The following ARHGAP8 variants were observed in gnomAD, a reference collection of about 807,000 sequenced individuals.
The protein encoded by ARHGAP8 is Rho GTPase activating protein 8.
In ARHGAP8, 62 loss-of-function variants were observed where a neutral mutation model predicts 46.1. The ratio of observed to expected loss-of-function variants is 1.34; its 90% CI spans 1.10 to 1.66. The LOEUF is 1.66. Ranked by LOEUF, ARHGAP8 falls within the 40% of genes most tolerant of loss-of-function variation. ARHGAP8 has a pLI of 0.00. For synonymous variants in ARHGAP8, 375 were observed against 243.1 expected (o/e 1.54, Z -5.05); for missense variants, 923 against 568.4 (o/e 1.62, Z -6.34).
At chr22:44,782,903 C>G (rs6006884) in intron 1 of ARHGAP8, among the ~76,000 whole-genome samples, 134,237 of 152,132 alleles carry the variant, frequency 0.88, 59,466 homozygotes, top group Non-Finnish European at 0.93. Flanking sequence ...CGCTGTTTTC[C>G]ACGGCACGCT....
At chr22:44,754,846 A>G (rs1924544077) in intron 1 of ARHGAP8, among the ~76,000 whole-genome samples, 1 of 152,128 alleles carries the variant, frequency 6.6e-6, no homozygotes, top group Admixed American at 6.6e-5. Flanking sequence ...ATGTTTCACC[A>G]CATTAAAAAA....
chr22:44,764,451 G>A (rs924439422), intron 1 of ARHGAP8, among the ~76,000 whole-genome samples: 1 of 152,178 alleles, frequency 6.6e-6, no homozygotes, highest in Non-Finnish European at 1.5e-5. Flanking sequence ...GGTCGGCTGC[G>A]GTGGTCCGGG....
At chr22:44,837,273 A>AG (rs372705844) in intron 7 of ARHGAP8, among the ~76,000 whole-genome samples, 13 of 152,276 alleles carry the variant, frequency 8.5e-5, no homozygotes, top group African/African-American at 3.1e-4. Context: ...GAATTACTCT[A>AG]AGCACATCTC....
At chr22:44,762,795 C>T (rs1226529977) in intron 1 of ARHGAP8, among the ~76,000 whole-genome samples, 1 of 152,192 alleles carries the variant, frequency 6.6e-6, no homozygotes. Flanking sequence ...CCACCTGCCT[C>T]AGCCTCCCAA....
chr22:44,807,717 T>C (rs1289977546), intron 3 of ARHGAP8, among the ~76,000 whole-genome samples: 2 of 152,310 alleles, frequency 1.3e-5, no homozygotes, highest in Non-Finnish European at 2.9e-5. Context: ...AAGTTCAAAA[T>C]TGAGGTGTGG....
In ARHGAP8 at chr22:44,772,253, T is replaced by TTTTTTTTTTTTC. The variant is rs1555909610; in HGVS notation, c.-71-14204_-71-14203insTTTTTTTTTTTC. 4.1e-5 allele frequency among the ~76,000 whole-genome samples: 3 copies of TTTTTTTTTTTTC among 73,288 alleles called. 1 individual carries two copies. The highest frequency in any genetic ancestry group is 2.6e-5 in the Non-Finnish European group (1 of 37,866). 48.1% of individuals were successfully genotyped at this position (73,288 alleles called of 152,430 possible). A position where few individuals can be genotyped will look rare whatever the true frequency, so the allele number is the denominator to read the frequency against. ...TTTTTTTTTTTTTTTTTTTTTTTTT[T>TTTTTTTTTTTTC]CAAGACTGAGTCTCTGTTGCCCAGG... On this transcript the variant is annotated intron_variant, in intron 1 of 11. Transcript: ENST00000356099.
At chr22:44,859,860 GGT>G (rs1348196851) in intron 11 of ARHGAP8, 26 bp downstream of exon 11, 1 of 1,609,322 alleles carries the variant, frequency 6.2e-7, no homozygotes, top group Admixed American at 1.7e-5. Flanking sequence ...GGGAGCTTGG[GGT>G]GAAGCCCAGT....
chr22:44,859,756 T>C lies in ARHGAP8; in HGVS notation c.903T>C (p.Thr301=), dbSNP rs2070374636. The change falls in exon 11 of 12, where the codon ACT becomes ACC. Residue 301 remains threonine, a synonymous_variant. Coordinates refer to ENST00000356099, the MANE Select transcript of ARHGAP8 (RefSeq NM_181335.3). ...GTGTGGAGAGCAGCCTGCGTGTCAC[T>C]GGCTGCCGCCAGATCTTACGGAGCC... ...ITCVESSLRV[T]GCRQILRSLP... 3.1e-6 allele frequency: 5 copies of C among 1,613,862 alleles called. No individual in the cohort carries two copies. The highest frequency in any genetic ancestry group is 1.3e-5 in the African/African-American group (1 of 74,918).
chr22:44,825,845 G>A (rs991855626), intron 7 of ARHGAP8, among the ~76,000 whole-genome samples: 2 of 141,492 alleles, frequency 1.4e-5, no homozygotes, highest in East Asian at 2.2e-4. Flanking sequence ...TGGTTGGGGG[G>A]CGCGTGCTCG....
chr22:44,861,628 C>G (rs918153171), intron 11 of ARHGAP8, among the ~76,000 whole-genome samples: 5 of 152,182 alleles, frequency 3.3e-5, no homozygotes, highest in Non-Finnish European at 7.4e-5. Flanking sequence ...CAGCTTGAAT[C>G]TTGTAGGGAG....
chr22:44,846,918 G>A (rs963587009), intron 8 of ARHGAP8, among the ~76,000 whole-genome samples: 3 of 152,188 alleles, frequency 2.0e-5, no homozygotes, highest in Non-Finnish European at 4.4e-5. Context: ...GGGAGGGGCA[G>A]TGGAGCTGAG....
At chr22:44,828,424 AATTT>A (rs1168414561) in intron 7 of ARHGAP8, among the ~76,000 whole-genome samples, 7 of 88,756 alleles carry the variant, frequency 7.9e-5, no homozygotes, top group African/African-American at 4.2e-4. Flanking sequence ...AGCAGACCAG[AATTT>A]TTTTTTTTTT....
intron 2 of ARHGAP8, among the ~76,000 whole-genome samples, chr22:44,791,976 TC>T (rs941166074): frequency 6.6e-6 from 1 of 151,886 alleles, no homozygotes; most frequent in African/African-American, 2.4e-5. Flanking sequence ...CAGCAAAACT[TC>T]CAATTGCCAG....
chr22:44,817,153 C>A (rs1929813012), intron 5 of ARHGAP8, among the ~76,000 whole-genome samples: 1 of 152,222 alleles, frequency 6.6e-6, no homozygotes, highest in African/African-American at 2.4e-5. Context: ...TCCCAAAGTC[C>A]TGGGATTACA....
intron 4 of ARHGAP8, chr22:44,808,809 C>CA (rs139346657): frequency 0.035 from 10,843 of 311,280 alleles, no homozygotes; most frequent in Non-Finnish European, 0.047. Flanking sequence ...AGTAAAAATA[C>CA]AAAAAAAAAA....
intron 2 of ARHGAP8, among the ~76,000 whole-genome samples, chr22:44,797,570 A>G (rs1316482082): frequency 6.6e-6 from 1 of 152,234 alleles, no homozygotes; most frequent in Non-Finnish European, 1.5e-5. Flanking sequence ...CGTGACCAGA[A>G]TTCGTAAGGA....
intron 5 of ARHGAP8, among the ~76,000 whole-genome samples, chr22:44,819,620 C>T (rs1454052012): frequency 6.6e-6 from 1 of 152,156 alleles, no homozygotes; most frequent in Non-Finnish European, 1.5e-5. Context: ...TTGCAGTGAG[C>T]CAAGATCGCG....
rs118109157 is a variant in ARHGAP8, at chr22:44,814,753, C to T, written c.381C>T (p.Leu127=). ...TCCTGTGGAACATCTTGAAGCCCCT[C>T]ATCAGGTATGCGTCACTCTGGGAGA... ...IKVLWNILKP[L]ISHKFGKKVI... is the part of the protein sequence containing the mutation. The change falls in exon 5 of 12, where the codon CTC becomes CTT. Residue 127 remains leucine, a synonymous_variant. Transcript: ENST00000356099. 215 of 1,614,002 alleles carry T rather than the reference C, an allele frequency of 1.3e-4. No homozygotes were observed. The East Asian group carries it at 4.7e-3, about 36-fold the overall frequency.
At chr22:44,799,194 C>T (rs2147073949) in intron 2 of ARHGAP8, among the ~76,000 whole-genome samples, 1 of 152,358 alleles carries the variant, frequency 6.6e-6, no homozygotes, top group African/African-American at 2.4e-5. Context: ...CCTTTTACTG[C>T]ATTGAGCAGA....
Sources: gnomAD v4.1 joint callset for allele counts (sites outside exome capture counted in the v4.1 genomes callset) on GRCh38, gnomAD v4.1.1 for gene constraint, MANE v1.5 for transcripts, NCBI Gene and HGNC (gene_info 2026-07-23, HGNC 2026-07-21) for gene names.